Variants in GPHN observed in about 807,000 individuals in gnomAD.
The protein encoded by GPHN is gephyrin.
Under a neutral mutation model 95.5 loss-of-function variants are expected in GPHN, and 17 were observed. The ratio of observed to expected loss-of-function variants is 0.18; its 90% CI spans 0.12 to 0.27. The LOEUF is 0.27. Among genes scored for constraint, GPHN ranks in the 10% least tolerant of loss-of-function variants. The probability of loss-of-function intolerance (pLI) is 1.00; values close to 1 mark genes in which losing one functional copy is unlikely to be tolerated. For missense variants in GPHN, 660 were observed against 978.1 expected (o/e 0.67, Z 4.34); for synonymous variants, 320 against 322.5 (o/e 0.99, Z 0.08).
the GPHN span, chr14:67,470,519 G>A: frequency 6.6e-6 from 1 of 152,526 alleles, no homozygotes. Context: ...TAAGGGCTGG[G>A]CCTCTAACCT....
chr14:67,657,972 C>T, the GPHN span, among the ~76,000 whole-genome samples: 46 of 152,168 alleles, frequency 3.0e-4, 1 homozygote, highest in African/African-American at 1.1e-3. Flanking sequence ...TGGTCTCGAA[C>T]TCCTGACCTC....
intron 3 of GPHN, among the ~76,000 whole-genome samples, chr14:66,808,548 C>A (rs2060639145): frequency 1.3e-5 from 2 of 152,234 alleles, no homozygotes; most frequent in African/African-American, 4.8e-5. Flanking sequence ...CGCCTGTAAT[C>A]CCAACACTTT....
chr14:67,531,168 C>G, the GPHN span, among the ~76,000 whole-genome samples: 1 of 152,148 alleles, frequency 6.6e-6, no homozygotes, highest in Non-Finnish European at 1.5e-5. Flanking sequence ...ATAGTCCCAG[C>G]TACCTGGGAG....
chr14:67,562,938 G>A, the GPHN span: 24 of 1,571,872 alleles, frequency 1.5e-5, 1 homozygote. Flanking sequence ...AGAGCTAATG[G>A]CAAGAACACT....
the GPHN span, among the ~76,000 whole-genome samples, chr14:67,599,058 C>T: frequency 6.6e-6 from 1 of 152,164 alleles, no homozygotes; most frequent in Non-Finnish European, 1.5e-5. Flanking sequence ...GCAATTAGGG[C>T]AGTCTTAATT....
At chr14:67,573,928 G>T in the GPHN span, 1 of 1,463,608 alleles carries the variant, frequency 6.8e-7, no homozygotes, top group Non-Finnish European at 9.6e-7. The surrounding 1 kb of genome is among the most constrained non-coding windows in gnomAD (Gnocchi z 4.8). Flanking sequence ...AACAGAAGAG[G>T]TGCTGGGTTT....
Position 67,178,044 on chromosome 14 carries a change from GCATTTAGCC to G in GPHN, c.2080-1527_2080-1519del. ...TGCCAGTCTGTATCTTTTAATTGGGGCATTTAGCCCATTTATATTTAAGGTTAATATTGT... is the reference window on the plus strand; with the variant it reads ...TGCCAGTCTGTATCTTTTAATTGGGGCATTTATATTTAAGGTTAATATTGT... On this transcript the variant is annotated intron_variant, in intron 21 of 22. Transcript: ENST00000478722. Among the ~76,000 whole-genome samples, 4 of 152,252 alleles carry G rather than the reference GCATTTAGCC, an allele frequency of 2.6e-5. No individual in the cohort carries two copies. The South Asian group carries it at 8.3e-4, about 32-fold the overall frequency.
At chr14:66,911,842 G>T (rs1010133355) in intron 5 of GPHN, among the ~76,000 whole-genome samples, 1 of 151,860 alleles carries the variant, frequency 6.6e-6, no homozygotes, top group Non-Finnish European at 1.5e-5. Flanking sequence ...GAATAAAAAG[G>T]TAACTATCCC....
the GPHN span, chr14:67,571,869 A>G: frequency 1.9e-6 from 3 of 1,613,284 alleles, 1 homozygote; most frequent in South Asian, 3.3e-5. Flanking sequence ...CAGGAAGACC[A>G]GCGGACTAGG....
intron 2 of GPHN, among the ~76,000 whole-genome samples, chr14:66,721,048 A>T (rs1001069254): frequency 6.6e-6 from 1 of 152,200 alleles, no homozygotes; most frequent in African/African-American, 2.4e-5. Context: ...ATTAAGTCTT[A>T]TTCTGCTGTA....
the GPHN span, among the ~76,000 whole-genome samples, chr14:67,656,915 A>G: frequency 1.3e-5 from 2 of 152,170 alleles, no homozygotes; most frequent in Admixed American, 6.5e-5. Context: ...TGGACTATCA[A>G]CTTCTGAAAG....
chr14:67,279,129 A>G, the GPHN span: 3 of 1,500,434 alleles, frequency 2.0e-6, no homozygotes, highest in Non-Finnish European at 2.7e-6. Context: ...CTTATAGGAA[A>G]AATTGATTTA....
chr14:67,023,891 G>C (rs1265636115), intron 10 of GPHN, among the ~76,000 whole-genome samples: 1 of 152,016 alleles, frequency 6.6e-6, no homozygotes, highest in Non-Finnish European at 1.5e-5. Flanking sequence ...CCAGAACTTT[G>C]ATGCACTCCT....
chr14:67,352,907 G>A, the GPHN span: 1 of 1,549,288 alleles, frequency 6.5e-7, no homozygotes, highest in Non-Finnish European at 8.8e-7. Flanking sequence ...ACTATTCTAA[G>A]AAAAGTTCAT....
At chr14:66,648,197 A>T (rs563103881) in intron 1 of GPHN, among the ~76,000 whole-genome samples, 2 of 152,222 alleles carry the variant, frequency 1.3e-5, no homozygotes, top group Admixed American at 1.3e-4. Flanking sequence ...ATATTTTTTT[A>T]AAAAGACACG....
At chr14:67,465,418 GTTT>G in the GPHN span, among the ~76,000 whole-genome samples, 6 of 128,724 alleles carry the variant, frequency 4.7e-5, no homozygotes, top group Non-Finnish European at 9.4e-5. Flanking sequence ...ACCACAAAAG[GTTT>G]GTAAGCCTCG....
the GPHN span, among the ~76,000 whole-genome samples, chr14:67,703,262 G>A: frequency 6.6e-6 from 1 of 152,212 alleles, no homozygotes; most frequent in African/African-American, 2.4e-5. Flanking sequence ...GTCCCAATAG[G>A]TAATCTAATG....
At chr14:67,334,787 A>AAAACT in the GPHN span, 4 of 152,358 alleles carry the variant, frequency 2.6e-5, no homozygotes, top group Non-Finnish European at 5.9e-5. Context: ...TTTAGCATTA[A>AAAACT]AAACTAAGGA....
At chr14:67,430,101 C>T in the GPHN span, among the ~76,000 whole-genome samples, 1 of 152,132 alleles carries the variant, frequency 6.6e-6, no homozygotes, top group Non-Finnish European at 1.5e-5. Context: ...GAGAGGAGCC[C>T]GAACCTGGCT....
Sources: allele counts gnomAD v4.1 joint callset (sites outside exome capture counted in the v4.1 genomes callset), GRCh38; gene constraint gnomAD v4.1.1; non-coding constraint Gnocchi (gnomAD v3.1); transcripts MANE v1.5; gene names NCBI Gene and HGNC (gene_info 2026-07-23, HGNC 2026-07-21).